PCCA: variants seen among roughly 807,000 people sequenced by gnomAD.
PCCA encodes the protein propionyl-CoA carboxylase subunit alpha, also known as propionyl-CoA carboxylase alpha chain, mitochondrial.
In PCCA, 74 loss-of-function variants were observed where a neutral mutation model predicts 101.3. The ratio of observed to expected loss-of-function variants is 0.73; its 90% CI spans 0.61 to 0.89. The LOEUF is 0.89. Ranked by LOEUF, PCCA falls within the 40% of genes least tolerant of loss-of-function variation. The pLI is 0.00. For synonymous variants in PCCA, 294 were observed against 313.6 expected (o/e 0.94, Z 0.66); for missense variants, 891 against 907.0 (o/e 0.98, Z 0.23).
chr13:100,255,356 G>A (rs2062009971), intron 8 of PCCA, among the ~76,000 whole-genome samples: 1 of 152,150 alleles, frequency 6.6e-6, no homozygotes, highest in Admixed American at 6.5e-5. Context: ...TTGTGAGCAA[G>A]AATGATTTCC....
intron 1 of PCCA, among the ~76,000 whole-genome samples, chr13:100,097,144 A>G (rs746057934): frequency 1.1e-4 from 17 of 152,220 alleles, no homozygotes; most frequent in Admixed American, 2.0e-4. Flanking sequence ...TGAAGGGTAG[A>G]CACACAAGGT....
intron 6 of PCCA, among the ~76,000 whole-genome samples, chr13:100,203,795 A>G (rs2058685206): frequency 6.6e-6 from 1 of 152,232 alleles, no homozygotes; most frequent in Non-Finnish European, 1.5e-5. Context: ...CATGTATTTT[A>G]AAATCAGTGA....
intron 16 of PCCA, among the ~76,000 whole-genome samples, chr13:100,326,650 C>T (rs2068719408): frequency 6.6e-6 from 1 of 152,058 alleles, no homozygotes; most frequent in Admixed American, 6.6e-5. Context: ...CCTCTGCAAC[C>T]CCTGAGACAG....
intron 19 of PCCA, among the ~76,000 whole-genome samples, chr13:100,375,046 CA>C (rs1191023233): frequency 6.6e-6 from 1 of 152,082 alleles, no homozygotes; most frequent in African/African-American, 2.4e-5. Flanking sequence ...AGCTGTATCC[CA>C]GAGATTCTGG....
At chr13:100,406,099 A>C (rs2077661945) in intron 19 of PCCA, among the ~76,000 whole-genome samples, 1 of 152,120 alleles carries the variant, frequency 6.6e-6, no homozygotes, top group Non-Finnish European at 1.5e-5. Flanking sequence ...ACAGGTCAGT[A>C]ACCCTTTACA....
intron 6 of PCCA, among the ~76,000 whole-genome samples, chr13:100,190,178 G>A (rs2057639466): frequency 6.6e-6 from 1 of 152,140 alleles, no homozygotes; most frequent in African/African-American, 2.4e-5. Flanking sequence ...CTTATGAAAT[G>A]TTATCTGAAG....
At chr13:100,296,862 C>T (rs1373625353) in intron 12 of PCCA, among the ~76,000 whole-genome samples, 2 of 152,114 alleles carry the variant, frequency 1.3e-5, no homozygotes, top group Non-Finnish European at 2.9e-5. Context: ...CAAATTTCCC[C>T]AGTTGCCTCA....
At chr13:100,094,087 G>A (rs1459788762) in intron 1 of PCCA, among the ~76,000 whole-genome samples, 3 of 152,044 alleles carry the variant, frequency 2.0e-5, no homozygotes, top group Non-Finnish European at 4.4e-5. Flanking sequence ...AATTAGCCGG[G>A]CATGGTGGCG....
chr13:100,475,576 C>T (rs1037378689), intron 21 of PCCA, among the ~76,000 whole-genome samples: 6 of 152,154 alleles, frequency 3.9e-5, no homozygotes, highest in Non-Finnish European at 5.9e-5. Flanking sequence ...CCTGTCTTTT[C>T]GGCTACTGTG....
chr13:100,481,502 G>A (rs1240016463), intron 21 of PCCA, among the ~76,000 whole-genome samples: 1 of 152,092 alleles, frequency 6.6e-6, no homozygotes, highest in South Asian at 2.1e-4. Context: ...AGGTTACAGC[G>A]AGCCAAGATC....
chr13:100,102,950 C>G lies in PCCA; in HGVS notation c.173C>G (p.Pro58Arg). The G allele has an allele frequency of 6.3e-7, 1 of 1,593,266 alleles. No homozygotes were observed. The highest frequency in any genetic ancestry group is 2.2e-5 in the East Asian group (1 of 44,738). Residue 58 changes from proline (P) to arginine (R), a missense_variant, in exon 2 of 24, where the codon CCT (proline) becomes CGT (arginine). Physicochemically the swap from Pro to Arg is moderately radical, Grantham distance 103. Coordinates refer to ENST00000376285, the MANE Select transcript of PCCA (RefSeq NM_000282.4). ...AATCTTGGTTCAGTGGGATATGATC[C>G]TAATGAAAAAGTAAGTATTTAAAAG... ...SRNLGSVGYD[P>R]NEKTFDKILV...
intron 7 of PCCA, among the ~76,000 whole-genome samples, chr13:100,220,324 A>G (rs1042386289): frequency 4.6e-5 from 7 of 151,724 alleles, no homozygotes; most frequent in African/African-American, 1.5e-4. Context: ...CAGTGGCGCA[A>G]TCTTGGCTAA....
chr13:100,477,396 A>G (rs1330769144), intron 21 of PCCA: 1 of 152,180 alleles, frequency 6.6e-6, no homozygotes, highest in African/African-American at 2.4e-5. Flanking sequence ...ACTAAGTTAG[A>G]TGTGGAGTTT....
chr13:100,401,631 C>G (rs1362561719), intron 19 of PCCA, among the ~76,000 whole-genome samples: 1 of 151,880 alleles, frequency 6.6e-6, no homozygotes, highest in African/African-American at 2.4e-5. Context: ...ATTTTTTGTA[C>G]CATTCCCAGT....
At chr13:100,164,916 T>C (rs2054873773) in intron 6 of PCCA, among the ~76,000 whole-genome samples, 1 of 152,212 alleles carries the variant, frequency 6.6e-6, no homozygotes, top group South Asian at 2.1e-4. Flanking sequence ...CTATTCTAGG[T>C]ACCTCACATA....
intron 7 of PCCA, among the ~76,000 whole-genome samples, chr13:100,221,830 C>G (rs776652422): frequency 3.3e-5 from 5 of 150,384 alleles, no homozygotes; most frequent in Non-Finnish European, 5.9e-5. Flanking sequence ...CTCTGCATCC[C>G]GGGTTCAAGC....
chr13:100,161,318 T>C (rs572520164), intron 6 of PCCA: 1 of 152,304 alleles, frequency 6.6e-6, no homozygotes, highest in South Asian at 2.1e-4. Flanking sequence ...AAAACATCTA[T>C]ATGTTCTTTA....
chr13:100,383,109 G>A (rs984449615), intron 19 of PCCA, among the ~76,000 whole-genome samples: 3 of 151,988 alleles, frequency 2.0e-5, no homozygotes, highest in African/African-American at 7.2e-5. Context: ...GAGCACCTCA[G>A]TCCCCCAAGT....
At chr13:100,443,320 T>G (rs1396403521) in intron 20 of PCCA, among the ~76,000 whole-genome samples, 1 of 151,954 alleles carries the variant, frequency 6.6e-6, no homozygotes, top group East Asian at 1.9e-4. Context: ...CTGGGTACAA[T>G]GGTGCATGCC....
Sources: allele counts gnomAD v4.1 joint callset (sites outside exome capture counted in the v4.1 genomes callset), GRCh38; gene constraint gnomAD v4.1.1; transcripts MANE v1.5; gene names NCBI Gene and HGNC (gene_info 2026-07-23, HGNC 2026-07-21).